TBC1D8: variants seen among roughly 807,000 people sequenced by gnomAD.
TBC1D8 encodes the protein TBC1 domain family member 8, also known as BUB2-like protein 1.
Under a neutral mutation model 118.8 loss-of-function variants are expected in TBC1D8, and 65 were observed. That is an observed-to-expected ratio of 0.55 (90% confidence interval 0.45 to 0.67). The LOEUF is 0.67. TBC1D8 is among the 30% of genes least tolerant of loss of function. The pLI, the probability that TBC1D8 is intolerant of heterozygous loss-of-function variation, is 0.00. For synonymous variants in TBC1D8, 566 were observed against 595.8 expected (o/e 0.95, Z 0.73); for missense variants, 1,376 against 1,471.2 (o/e 0.94, Z 1.06).
chr2:101,028,766 A>T (rs1194385914), intron 12 of TBC1D8, among the ~76,000 whole-genome samples: 1 of 152,112 alleles, frequency 6.6e-6, no homozygotes, highest in East Asian at 1.9e-4. Context: ...GCTCCTAGAA[A>T]GCCCAGCTCT....
Position 101,038,642 on chromosome 2 carries a change from T to C in TBC1D8, c.1094A>G (p.Glu365Gly). The C allele has an allele frequency of 6.2e-7, 1 of 1,613,948 alleles. No individual in the cohort carries two copies. The highest frequency in any genetic ancestry group is 8.5e-7 in the Non-Finnish European group (1 of 1,179,980). The change falls in exon 7 of 20, where the codon GAG (glutamate) becomes GGG (glycine). Residue 365 changes from glutamate to glycine, a missense_variant. Coordinates refer to ENST00000409318, the MANE Select transcript of TBC1D8 (RefSeq NM_001330348.2). Reference protein sequence around the residue: ...ILPLREVVSIEKMEDTSLLPH... With the variant: ...ILPLREVVSIGKMEDTSLLPH... ...CAGCAGGCTCGTGTCCTCCATCTTC[T>C]CGATGCTCACCACCTGCGCGAGAGG...
chr2:101,037,795 T>G, intron 7 of TBC1D8, 87 bp from the exon 8 acceptor site: 1 of 1,545,616 alleles, frequency 6.5e-7, no homozygotes, highest in Non-Finnish European at 8.8e-7. Context: ...TGTTTTGCCT[T>G]TGGATGCACG....
At position 101,008,110 on chromosome 2, in the gene TBC1D8, C is replaced by T. The variant is rs372711937; in HGVS notation, c.3179G>A (p.Gly1060Glu). Reference sequence around the variant, plus strand: ...AGGAGCTGAAGCCCGCAGCTCCTCCCCACACTCCTGGGAGCAGCTTCCAGA... The same window carrying T: ...AGGAGCTGAAGCCCGCAGCTCCTCCTCACACTCCTGGGAGCAGCTTCCAGA... ...SSSGSCSQEC[G>E]EELRASAPSP... The change falls in exon 20 of 20, where the codon GGG (glycine) becomes GAG (glutamate). Residue 1060 changes from glycine (G) to glutamate (E), a missense_variant. Coordinates refer to ENST00000409318, the MANE Select transcript of TBC1D8 (RefSeq NM_001330348.2). 53 of 1,613,744 alleles carry T rather than the reference C, an allele frequency of 3.3e-5. No individual in the cohort carries two copies. In the African/African-American group the frequency reaches 6.5e-4, roughly 20 times the overall value.
intron 1 of TBC1D8, among the ~76,000 whole-genome samples, chr2:101,133,177 T>G (rs1297616649): frequency 6.7e-6 from 1 of 148,902 alleles, no homozygotes; most frequent in African/African-American, 2.5e-5. Context: ...AAAAAAAAAG[T>G]ATATCTCTCT....
intron 5 of TBC1D8, among the ~76,000 whole-genome samples, chr2:101,041,196 A>G (rs1681365116): frequency 6.6e-6 from 1 of 152,238 alleles, no homozygotes; most frequent in Non-Finnish European, 1.5e-5. Flanking sequence ...CTAGGTAGAT[A>G]TACCCAAGAG....
intron 1 of TBC1D8, among the ~76,000 whole-genome samples, chr2:101,121,333 G>C (rs558409393): frequency 6.6e-6 from 1 of 152,142 alleles, no homozygotes; most frequent in Non-Finnish European, 1.5e-5. Flanking sequence ...CAGGGACTGC[G>C]ACAAGCTCCA....
rs1226658176 is a variant in TBC1D8, at chr2:101,038,324, AT to A, written c.1275+136del. On this transcript the variant is annotated intron_variant, in intron 7 of 19. Coordinates refer to ENST00000409318, the MANE Select transcript of TBC1D8 (RefSeq NM_001330348.2). ...CACACCCTCTCAGGACAGCCGGCAC[AT>A]CAGAAATGACAGCAGACCACACACA... The A allele has an allele frequency of 2.5e-5, 26 of 1,043,348 alleles. No individual in the cohort carries two copies. In the Admixed American group the frequency reaches 5.9e-4, roughly 24 times the overall value. 64.6% of individuals were successfully genotyped at this position (1,043,348 alleles called of 1,614,324 possible).
At chr2:101,061,003 C>T (rs1394401799) in intron 2 of TBC1D8, among the ~76,000 whole-genome samples, 1 of 151,808 alleles carries the variant, frequency 6.6e-6, no homozygotes, top group Non-Finnish European at 1.5e-5. Context: ...GCCTGGCCTA[C>T]ATGATAAAAC....
chr2:101,011,836 GT>G (rs1679239308), intron 17 of TBC1D8, among the ~76,000 whole-genome samples: 1 of 152,320 alleles, frequency 6.6e-6, no homozygotes, highest in East Asian at 1.9e-4. Context: ...AAAAATGTAT[GT>G]AGTGAAATCC....
At chr2:101,011,983 C>G (rs1679250527) in intron 17 of TBC1D8, among the ~76,000 whole-genome samples, 1 of 152,206 alleles carries the variant, frequency 6.6e-6, no homozygotes, top group Admixed American at 6.5e-5. Context: ...TGAGCACATA[C>G]TGCTGTACTT....
At chr2:101,132,549 T>C (rs1201415198) in intron 1 of TBC1D8, among the ~76,000 whole-genome samples, 2 of 152,204 alleles carry the variant, frequency 1.3e-5, no homozygotes, top group Non-Finnish European at 2.9e-5. Flanking sequence ...TTTGAAGACA[T>C]AAATCCACAT....
intron 17 of TBC1D8, among the ~76,000 whole-genome samples, chr2:101,020,234 G>A (rs1028160179): frequency 6.6e-6 from 1 of 151,960 alleles, no homozygotes; most frequent in Admixed American, 6.6e-5. Flanking sequence ...AATAATGTTT[G>A]TTTTAAAACC....
chr2:101,135,264 G>A (rs901292856), intron 1 of TBC1D8, among the ~76,000 whole-genome samples: 23 of 152,196 alleles, frequency 1.5e-4, no homozygotes, highest in African/African-American at 5.1e-4. Context: ...TCTACAAGAG[G>A]CTCTCCAACC....
intron 1 of TBC1D8, among the ~76,000 whole-genome samples, chr2:101,149,678 G>A (rs950963992): frequency 1.3e-5 from 2 of 152,158 alleles, no homozygotes; most frequent in African/African-American, 4.8e-5. Context: ...GAAAGGGAGG[G>A]ACGACAAATT....
At chr2:101,100,269 C>A (rs1479030111) in intron 1 of TBC1D8, among the ~76,000 whole-genome samples, 1 of 152,102 alleles carries the variant, frequency 6.6e-6, no homozygotes, top group African/African-American at 2.4e-5. Context: ...ACTATCACTA[C>A]AAAGAGAATA....
chr2:101,080,635 T>G (rs1245471345), intron 2 of TBC1D8, among the ~76,000 whole-genome samples: 1 of 152,190 alleles, frequency 6.6e-6, no homozygotes, highest in Non-Finnish European at 1.5e-5. Flanking sequence ...GAAGCAGCCC[T>G]GGCAAGTCCC....
intron 3 of TBC1D8, among the ~76,000 whole-genome samples, chr2:101,055,073 T>G (rs1682341607): frequency 6.6e-6 from 1 of 151,824 alleles, no homozygotes. Context: ...CCCAAAGAAC[T>G]ACCCAACTTT....
chr2:101,044,509 C>A lies in TBC1D8; in HGVS notation c.873-4124G>T, dbSNP rs370205925. On this transcript the variant is annotated intron_variant, in intron 5 of 19. Coordinates refer to ENST00000409318, the MANE Select transcript of TBC1D8 (RefSeq NM_001330348.2). ...GCTCACAGCCCGCTTCTCAGACTTT[C>A]CAGTACTTCCTAAGTGCCTTCACTT... 1.1e-4 allele frequency among the ~76,000 whole-genome samples: 17 copies of A among 152,328 alleles called. No homozygotes were observed. The East Asian group carries it at 2.1e-3, about 19-fold the overall frequency.
chr2:101,030,758 G>C (rs953276961), intron 11 of TBC1D8, among the ~76,000 whole-genome samples: 3 of 152,212 alleles, frequency 2.0e-5, no homozygotes, highest in Admixed American at 2.0e-4. Flanking sequence ...ATGCGCATCA[G>C]CAGGTGACTG....
Sources: allele counts gnomAD v4.1 joint callset (sites outside exome capture counted in the v4.1 genomes callset), GRCh38; gene constraint gnomAD v4.1.1; transcripts MANE v1.5; gene names NCBI Gene and HGNC (gene_info 2026-07-23, HGNC 2026-07-21).